Variants in NELL1 observed in about 807,000 individuals in gnomAD.
NELL1 encodes neural EGFL like 1.
A neutral mutation model predicts 107.4 loss-of-function variants in NELL1; 76 were observed. The observed-to-expected ratio is 0.71, with a 90% CI of 0.59 to 0.86. The LOEUF is 0.86. Ranked by LOEUF, NELL1 falls within the 40% of genes least tolerant of loss-of-function variation. The pLI is 0.00. For synonymous variants in NELL1, 353 were observed against 341.2 expected, an observed-to-expected ratio of 1.03 and a Z score of -0.38; for missense variants, 1,024 against 1,005.5, an observed-to-expected ratio of 1.02 and a Z score of -0.25.
chr11:21,033,203 A>G (rs1283780455), intron 12 of NELL1, among the ~76,000 whole-genome samples: 1 of 152,234 alleles, frequency 6.6e-6, no homozygotes, highest in East Asian at 1.9e-4. Flanking sequence ...GTTACTTTGT[A>G]TTAATTCTGC....
At chr11:21,522,971 A>G (rs1855766891) in intron 15 of NELL1, among the ~76,000 whole-genome samples, 1 of 149,766 alleles carries the variant, frequency 6.7e-6, no homozygotes, top group African/African-American at 2.5e-5. Flanking sequence ...CAGGCTCCCG[A>G]GTAGCTGGGA....
intron 14 of NELL1, among the ~76,000 whole-genome samples, chr11:21,264,169 C>T (rs1472142445): frequency 6.7e-6 from 1 of 150,316 alleles, no homozygotes; most frequent in Non-Finnish European, 1.5e-5. Context: ...CACCTAGAGA[C>T]ATATAAAAGC....
intron 3 of NELL1, among the ~76,000 whole-genome samples, chr11:20,831,465 G>T (rs1435870716): frequency 6.6e-6 from 1 of 152,216 alleles, no homozygotes; most frequent in Admixed American, 6.5e-5. Flanking sequence ...TCATGATGAT[G>T]GTGGCCAGGA....
At chr11:21,556,971 G>A (rs948569213) in intron 16 of NELL1, among the ~76,000 whole-genome samples, 2 of 151,814 alleles carry the variant, frequency 1.3e-5, no homozygotes, top group Non-Finnish European at 2.9e-5. Context: ...TAAGTCTCAC[G>A]GGTGAATAAC....
intron 2 of NELL1, among the ~76,000 whole-genome samples, chr11:20,763,453 C>A (rs1349044756): frequency 6.6e-6 from 1 of 152,064 alleles, no homozygotes; most frequent in Non-Finnish European, 1.5e-5. Flanking sequence ...GAAGGAGACA[C>A]CAAGATTCAG....
chr11:20,750,435 A>C (rs1025729305), intron 2 of NELL1, among the ~76,000 whole-genome samples: 3 of 151,994 alleles, frequency 2.0e-5, no homozygotes, highest in African/African-American at 7.2e-5. Flanking sequence ...GAAGCCCAGT[A>C]TATATATTTT....
At chr11:20,695,963 T>C (rs113776246) in intron 2 of NELL1, among the ~76,000 whole-genome samples, 2,280 of 152,194 alleles carry the variant, frequency 0.015, 54 homozygotes, top group African/African-American at 0.052. Flanking sequence ...CAGAAGTTGA[T>C]ATTGGTTTGT....
intron 12 of NELL1, among the ~76,000 whole-genome samples, chr11:21,095,826 T>G (rs535882707): frequency 6.6e-6 from 1 of 152,212 alleles, no homozygotes; most frequent in South Asian, 2.1e-4. Flanking sequence ...GTCAGGCTGG[T>G]CTTGAACTCC....
chr11:21,322,215 G>T (rs1195723149), intron 14 of NELL1, among the ~76,000 whole-genome samples: 1 of 152,134 alleles, frequency 6.6e-6, no homozygotes, highest in African/African-American at 2.4e-5. Flanking sequence ...CAGAGCACTA[G>T]ACTATGAGTT....
chr11:21,467,677 A>G (rs1459091119), intron 15 of NELL1, among the ~76,000 whole-genome samples: 1 of 151,916 alleles, frequency 6.6e-6, no homozygotes, highest in Non-Finnish European at 1.5e-5. Flanking sequence ...GTTTATGATG[A>G]TTTTTCAAGA....
intron 12 of NELL1, among the ~76,000 whole-genome samples, chr11:21,110,826 G>T (rs1166797240): frequency 6.6e-6 from 1 of 152,088 alleles, no homozygotes; most frequent in Non-Finnish European, 1.5e-5. Context: ...CTTCACTACA[G>T]CCAGAGTGAT....
At chr11:20,753,296 A>G (rs922608212) in intron 2 of NELL1, among the ~76,000 whole-genome samples, 2 of 152,270 alleles carry the variant, frequency 1.3e-5, no homozygotes, top group Non-Finnish European at 2.9e-5. Context: ...TCCAAAAAGC[A>G]TAGGATAGCA....
At chr11:21,070,914 C>T (rs1853996679) in intron 12 of NELL1, among the ~76,000 whole-genome samples, 1 of 152,144 alleles carries the variant, frequency 6.6e-6, no homozygotes, top group African/African-American at 2.4e-5. Flanking sequence ...CTCCCTTATT[C>T]TGACAACAGG....
intron 15 of NELL1, among the ~76,000 whole-genome samples, chr11:21,526,553 G>T (rs72959334): frequency 6.6e-6 from 1 of 152,338 alleles, no homozygotes; most frequent in African/African-American, 2.4e-5. Context: ...CCCTAGCAGA[G>T]GTTCTTCATG....
chr11:21,367,009 T>A (rs2133747307), intron 14 of NELL1, among the ~76,000 whole-genome samples: 1 of 152,172 alleles, frequency 6.6e-6, no homozygotes, highest in Non-Finnish European at 1.5e-5. Context: ...CTTCTCATTT[T>A]GTTCCCCTTA....
intron 13 of NELL1, among the ~76,000 whole-genome samples, chr11:21,205,740 C>T (rs765245728): frequency 1.3e-5 from 2 of 152,156 alleles, no homozygotes; most frequent in East Asian, 3.9e-4. Context: ...TACCATTCCT[C>T]AACAAAGTAG....
intron 14 of NELL1, among the ~76,000 whole-genome samples, chr11:21,356,620 C>A (rs567147336): frequency 6.6e-6 from 1 of 152,272 alleles, no homozygotes; most frequent in South Asian, 2.1e-4. Context: ...TATAATAATA[C>A]TGTAGCGCAT....
intron 3 of NELL1, among the ~76,000 whole-genome samples, chr11:20,830,699 C>T (rs1308814454): frequency 6.6e-6 from 1 of 152,128 alleles, no homozygotes; most frequent in African/African-American, 2.4e-5. Flanking sequence ...CTTAAGAATG[C>T]ATTTCCAAGG....
At chr11:21,489,928 A>G (rs1854756375) in intron 15 of NELL1, among the ~76,000 whole-genome samples, 1 of 152,124 alleles carries the variant, frequency 6.6e-6, no homozygotes, top group South Asian at 2.1e-4. Flanking sequence ...TATTTATCAT[A>G]GTACTGGGAG....
Sources: allele counts gnomAD v4.1 joint callset (sites outside exome capture counted in the v4.1 genomes callset), GRCh38; gene constraint gnomAD v4.1.1; transcripts MANE v1.5; gene names NCBI Gene and HGNC (gene_info 2026-07-23, HGNC 2026-07-21).